The following ADAM9 variants were observed in gnomAD, a reference collection of about 807,000 sequenced individuals.
ADAM9 encodes the protein disintegrin and metalloproteinase domain-containing protein 9.
Under a neutral mutation model 108.1 loss-of-function variants are expected in ADAM9, and 54 were observed. The ratio of observed to expected loss-of-function variants is 0.50; its 90% CI spans 0.40 to 0.63. ADAM9 has a LOEUF of 0.63. Among genes scored for constraint, ADAM9 ranks in the 20% least tolerant of loss-of-function variants. ADAM9 has a pLI of 0.00. For synonymous variants in ADAM9, 316 were observed against 336.0 expected (o/e 0.94, Z 0.65); for missense variants, 830 against 997.7 (o/e 0.83, Z 2.26).
Position 39,103,939 on chromosome 8 carries a change from T to G in ADAM9, c.*239T>G. The G allele has an allele frequency of 1.5e-6, 1 of 663,088 alleles. No individual in the cohort carries two copies. Among genetic ancestry groups the G allele is most frequent in the Non-Finnish European group, 2.8e-6 (1 of 362,064 alleles). 41.1% of individuals were successfully genotyped at this position (663,088 alleles called of 1,614,324 possible). The stretch of plus-strand genomic sequence containing the variant: ...TTCCGTTTCCATCATTGAATAAGTC[T>G]TATTCAGTCATCGGTGAGGTTAATG... On this transcript the variant is annotated 3_prime_UTR_variant, in exon 22 of 22. Coordinates refer to ENST00000487273, the MANE Select transcript of ADAM9 (RefSeq NM_003816.3).
At chr8:39,037,698 T>C (rs1837330445) in intron 11 of ADAM9, among the ~76,000 whole-genome samples, 1 of 152,134 alleles carries the variant, frequency 6.6e-6, no homozygotes, top group African/African-American at 2.4e-5. Flanking sequence ...ATTACATTAT[T>C]AAATATATTC....
chr8:39,012,220 T>G (rs946815602), intron 3 of ADAM9, among the ~76,000 whole-genome samples: 2 of 152,232 alleles, frequency 1.3e-5, no homozygotes, highest in African/African-American at 4.8e-5. Flanking sequence ...TGAGGCATCA[T>G]ATTTTCTGGG....
At chr8:39,062,480 T>C (rs1338504310) in intron 14 of ADAM9, among the ~76,000 whole-genome samples, 1 of 152,232 alleles carries the variant, frequency 6.6e-6, no homozygotes, top group Non-Finnish European at 1.5e-5. Flanking sequence ...TTGCTTCTAC[T>C]TAGACAGAAA....
chr8:39,022,355 A>G (rs13439531), intron 8 of ADAM9, among the ~76,000 whole-genome samples: 13,027 of 152,066 alleles, frequency 0.086, 877 homozygotes, highest in African/African-American at 0.19. Context: ...TATGAGTTCC[A>G]CAGTCCTTTA....
chr8:39,035,815 TCAAAACAAAACAAAA>T (rs1044278358), intron 11 of ADAM9, among the ~76,000 whole-genome samples: 12 of 152,056 alleles, frequency 7.9e-5, no homozygotes, highest in African/African-American at 2.9e-4. Flanking sequence ...AGACTCTGTC[TCAAAACAAAACAAAA>T]CAAAACAAAA....
chr8:39,085,081 T>C (rs1564369222), intron 18 of ADAM9, among the ~76,000 whole-genome samples: 1 of 152,172 alleles, frequency 6.6e-6, no homozygotes, highest in Admixed American at 6.5e-5. Context: ...TATCATGCTA[T>C]AGTAATTAGT....
At position 39,064,514 on chromosome 8, in the gene ADAM9, T is replaced by C. The variant is rs58991524; in HGVS notation, c.1592-6784T>C. Among the ~76,000 whole-genome samples, 713 of 152,340 alleles carry C rather than the reference T, an allele frequency of 4.7e-3. 5 individuals are homozygous for C. Among genetic ancestry groups the C allele is most frequent in the African/African-American group, 0.016 (678 of 41,578 alleles). On this transcript the variant is annotated intron_variant, in intron 14 of 21. Transcript: ENST00000487273. The stretch of plus-strand genomic sequence containing the variant: ...AGATTTGTAGGATGATTTGGCAAGA[T>C]GGAGACACAGGAGAGATGATGGTTT...
In ADAM9 at chr8:39,054,617, A is replaced by AG. The variant is rs774068877; in HGVS notation, c.1395+44_1395+45insG. ...TTGGAAACAGGAAAAAAAAAAAAAA[A>AG]AAAAAGAAAACCTGTGTATATCAAA... On this transcript the variant is annotated intron_variant, in intron 13 of 21. Transcript: ENST00000487273. The AG allele has an allele frequency of 2.0e-5, 30 of 1,525,192 alleles. No individual in the cohort carries two copies. In the African/African-American group the frequency reaches 2.9e-4, roughly 15 times the overall value. The allele number at this position is 1,525,192 out of a possible 1,614,324, so 94.5% of individuals were successfully genotyped here.
intron 14 of ADAM9, among the ~76,000 whole-genome samples, chr8:39,057,542 C>T (rs1838165686): frequency 2.0e-5 from 3 of 151,976 alleles, no homozygotes; most frequent in Admixed American, 2.0e-4. Context: ...GGAGAGTCAG[C>T]AATCTGGAGA....
chr8:39,097,809 T>G (rs940133507), intron 20 of ADAM9, among the ~76,000 whole-genome samples: 1 of 152,188 alleles, frequency 6.6e-6, no homozygotes, highest in Non-Finnish European at 1.5e-5. Context: ...CTCAAACTCT[T>G]TCTGTACTTG....
chr8:39,065,993 C>T (rs1838457520), intron 14 of ADAM9, among the ~76,000 whole-genome samples: 1 of 152,078 alleles, frequency 6.6e-6, no homozygotes, highest in Non-Finnish European at 1.5e-5. Flanking sequence ...TGAGTGAGAA[C>T]ATGCGGTGTT....
intron 11 of ADAM9, among the ~76,000 whole-genome samples, chr8:39,039,896 GTGAGAT>G (rs1461681594): frequency 6.6e-6 from 1 of 152,182 alleles, no homozygotes; most frequent in African/African-American, 2.4e-5. Flanking sequence ...ATACCCAAAA[GTGAGAT>G]TGCTGGGTCA....
At chr8:39,092,663 C>A (rs897806218) in intron 20 of ADAM9, among the ~76,000 whole-genome samples, 1 of 150,772 alleles carries the variant, frequency 6.6e-6, no homozygotes, top group Admixed American at 6.6e-5. Flanking sequence ...TATTTACCAT[C>A]TTAACAATTT....
intron 20 of ADAM9, among the ~76,000 whole-genome samples, chr8:39,094,895 G>C: frequency 6.6e-6 from 1 of 151,788 alleles, no homozygotes; most frequent in Non-Finnish European, 1.5e-5. Context: ...TATTTTTCCA[G>C]TATTTCATTC....
chr8:39,027,491 A>T (rs757631680), intron 11 of ADAM9, among the ~76,000 whole-genome samples: 10 of 152,206 alleles, frequency 6.6e-5, no homozygotes, highest in Admixed American at 3.9e-4. Flanking sequence ...CCATTTGCAG[A>T]TGAGGAAACT....
chr8:39,033,338 C>T (rs1345699104), intron 11 of ADAM9, among the ~76,000 whole-genome samples: 1 of 152,080 alleles, frequency 6.6e-6, no homozygotes, highest in East Asian at 1.9e-4. Context: ...TGATTTTCTA[C>T]ATAGATGATC....
At chr8:39,026,635 T>G in intron 10 of ADAM9, 42 bp from the exon 11 acceptor site, 1 of 1,613,782 alleles carries the variant, frequency 6.2e-7, no homozygotes, top group Non-Finnish European at 8.5e-7. Context: ...AACATTTTCT[T>G]TGCGTTCAGA....
At chr8:39,062,358 A>AT (rs1245167548) in intron 14 of ADAM9, among the ~76,000 whole-genome samples, 1 of 152,182 alleles carries the variant, frequency 6.6e-6, no homozygotes, top group Non-Finnish European at 1.5e-5. Context: ...CAAGGAATTG[A>AT]TTAAGAGGCT....
At chr8:39,016,025 C>A in intron 4 of ADAM9, 93 bp from the exon 5 acceptor site, 1 of 1,150,310 alleles carries the variant, frequency 8.7e-7, no homozygotes, top group Non-Finnish European at 1.3e-6. Context: ...TTAAACTTGA[C>A]TGGCCTAAAG....
Sources: gnomAD v4.1 joint callset for allele counts (sites outside exome capture counted in the v4.1 genomes callset) on GRCh38, gnomAD v4.1.1 for gene constraint, MANE v1.5 for transcripts, NCBI Gene and HGNC (gene_info 2026-07-23, HGNC 2026-07-21) for gene names.